The following ZNF438 variants were observed in gnomAD, a reference collection of about 807,000 sequenced individuals.
ZNF438 encodes zinc finger protein 438.
In ZNF438, 25 loss-of-function variants were observed where a neutral mutation model predicts 38.0. The observed-to-expected ratio is 0.66, with a 90% CI of 0.48 to 0.92. ZNF438 has a LOEUF of 0.92. Ranked by LOEUF, ZNF438 falls within the 40% of genes least tolerant of loss-of-function variation. ZNF438 has a pLI of 0.00. For synonymous variants in ZNF438, 372 were observed against 364.1 expected (o/e 1.02, Z -0.25); for missense variants, 1,007 against 999.6 (o/e 1.01, Z -0.10).
chr10:30,995,825 T>TA (rs2132651846), intron 1 of ZNF438, among the ~76,000 whole-genome samples: 1 of 151,782 alleles, frequency 6.6e-6, no homozygotes, highest in East Asian at 1.9e-4. Context: ...GTAAAGAAAA[T>TA]AAAAAATAGA....
At chr10:30,852,054 T>C (rs913317069) in intron 4 of ZNF438, among the ~76,000 whole-genome samples, 11 of 151,534 alleles carry the variant, frequency 7.3e-5, no homozygotes, top group African/African-American at 2.7e-4. Context: ...TCTCAGCTAC[T>C]GGCGAGGCTG....
At chr10:30,998,438 G>A (rs1383149845) in intron 1 of ZNF438, among the ~76,000 whole-genome samples, 1 of 151,012 alleles carries the variant, frequency 6.6e-6, no homozygotes, top group Non-Finnish European at 1.5e-5. Context: ...AGCTACTCAG[G>A]AGGCTGAGGC....
intron 1 of ZNF438, among the ~76,000 whole-genome samples, chr10:31,019,847 A>C (rs1341578297): frequency 6.6e-6 from 1 of 152,214 alleles, no homozygotes; most frequent in Non-Finnish European, 1.5e-5. Context: ...TTATTTGCTA[A>C]ATTTGGAACT....
chr10:30,946,617 T>C (rs1020868467), intron 1 of ZNF438, among the ~76,000 whole-genome samples: 1 of 152,226 alleles, frequency 6.6e-6, no homozygotes, highest in Non-Finnish European at 1.5e-5. Flanking sequence ...ACTTTGTATA[T>C]ATTTGAAGGG....
intron 1 of ZNF438, among the ~76,000 whole-genome samples, chr10:30,970,402 C>T (rs1206179518): frequency 2.0e-5 from 3 of 152,090 alleles, no homozygotes; most frequent in Non-Finnish European, 2.9e-5. Flanking sequence ...CAATGTCTAA[C>T]GTACTTTATG....
intron 1 of ZNF438, among the ~76,000 whole-genome samples, chr10:31,004,812 G>A (rs1183317471): frequency 6.6e-6 from 1 of 151,598 alleles, no homozygotes; most frequent in Non-Finnish European, 1.5e-5. Context: ...GTGGGGGAGG[G>A]GGCTGGAAGT....
intron 2 of ZNF438, among the ~76,000 whole-genome samples, chr10:30,937,398 C>T (rs1370198462): frequency 6.6e-6 from 1 of 152,184 alleles, no homozygotes; most frequent in Non-Finnish European, 1.5e-5. Flanking sequence ...CTACTTTATA[C>T]ATGTGATTCT....
At chr10:30,885,438 C>T (rs1489811092) in intron 3 of ZNF438, among the ~76,000 whole-genome samples, 1 of 152,242 alleles carries the variant, frequency 6.6e-6, no homozygotes, top group Admixed American at 6.5e-5. Flanking sequence ...GTATTCTACA[C>T]TGTAGCTCTT....
intron 1 of ZNF438, among the ~76,000 whole-genome samples, chr10:30,979,856 G>A (rs1192255465): frequency 6.6e-6 from 1 of 152,168 alleles, no homozygotes; most frequent in Non-Finnish European, 1.5e-5. Flanking sequence ...TCTAAATCCA[G>A]TCCTTCTTAT....
At chr10:30,874,108 G>GTATATATA (rs2037958944) in intron 4 of ZNF438, among the ~76,000 whole-genome samples, 2 of 108,278 alleles carry the variant, frequency 1.8e-5, no homozygotes, top group African/African-American at 7.9e-5. Flanking sequence ...GTGGGGGTGT[G>GTATATATA]TGTGTGTATA....
intron 1 of ZNF438, among the ~76,000 whole-genome samples, chr10:30,979,646 T>A (rs2051870515): frequency 6.6e-6 from 1 of 152,192 alleles, no homozygotes; most frequent in African/African-American, 2.4e-5. Context: ...ATATCTGGAC[T>A]TCTTGGTCCA....
chr10:31,015,305 G>A (rs1246107108), intron 1 of ZNF438, among the ~76,000 whole-genome samples: 10 of 151,984 alleles, frequency 6.6e-5, no homozygotes, highest in South Asian at 4.2e-4. Context: ...ATTCTAGATC[G>A]AGTCCTACGT....
intron 4 of ZNF438, among the ~76,000 whole-genome samples, chr10:30,873,094 C>A (rs1460556223): frequency 6.6e-6 from 1 of 152,074 alleles, no homozygotes; most frequent in South Asian, 2.1e-4. Context: ...AATAGTTGGC[C>A]TTATTATGTT....
intron 3 of ZNF438, among the ~76,000 whole-genome samples, chr10:30,885,497 A>G (rs1031679666): frequency 3.9e-5 from 6 of 152,216 alleles, no homozygotes; most frequent in Non-Finnish European, 7.3e-5. Context: ...GTAATTCACA[A>G]ATACCTCATC....
chr10:30,956,469 C>T (rs867440957), intron 1 of ZNF438, among the ~76,000 whole-genome samples: 2 of 152,128 alleles, frequency 1.3e-5, no homozygotes, highest in Non-Finnish European at 2.9e-5. Context: ...TTATTATTAA[C>T]TAAAGTCACC....
At chr10:30,873,885 A>T (rs1255626354) in intron 4 of ZNF438, among the ~76,000 whole-genome samples, 2 of 152,016 alleles carry the variant, frequency 1.3e-5, no homozygotes. Context: ...TCTTATCTGA[A>T]TTTTATACAG....
exon 6 of ZNF438, chr10:30,844,832 A>T: frequency 8.3e-7 from 1 of 1,200,002 alleles, no homozygotes; most frequent in African/African-American, 1.5e-5. Context: ...CCATGTACAA[A>T]AATCATTTCT....
At chr10:30,983,315 A>G (rs1419263472) in intron 1 of ZNF438, among the ~76,000 whole-genome samples, 3 of 152,258 alleles carry the variant, frequency 2.0e-5, no homozygotes, top group Non-Finnish European at 2.9e-5. Flanking sequence ...TAGTTGGTTC[A>G]TGGTTCCTCG....
chr10:31,029,718 T>A (rs536896493), intron 1 of ZNF438, among the ~76,000 whole-genome samples: 1 of 152,240 alleles, frequency 6.6e-6, no homozygotes, highest in East Asian at 1.9e-4. Flanking sequence ...AACCTTCCAA[T>A]GGTTTTCCAT....
Sources: gnomAD v4.1 joint callset for allele counts (sites outside exome capture counted in the v4.1 genomes callset) on GRCh38, gnomAD v4.1.1 for gene constraint, MANE v1.5 for transcripts, NCBI Gene and HGNC (gene_info 2026-07-23, HGNC 2026-07-21) for gene names.